RNFT2: variants seen among roughly 807,000 people sequenced by gnomAD.
RNFT2 encodes the protein E3 ubiquitin-protein ligase RNFT2.
A neutral mutation model predicts 53.0 loss-of-function variants in RNFT2; 36 were observed. That is an observed-to-expected ratio of 0.68 (90% CI 0.52 to 0.90). The LOEUF (loss-of-function observed/expected upper bound fraction) is 0.90, where lower values mean the gene tolerates loss of function less well. Ranked by LOEUF, RNFT2 falls within the 40% of genes least tolerant of loss-of-function variation. The pLI is 0.00. For synonymous variants in RNFT2, 260 were observed against 253.2 expected, an observed-to-expected ratio of 1.03 and a Z score of -0.26; for missense variants, 514 against 585.6, an observed-to-expected ratio of 0.88 and a Z score of 1.26.
At chr12:116,764,071 A>G (rs1223156810) in intron 5 of RNFT2, among the ~76,000 whole-genome samples, 1 of 152,194 alleles carries the variant, frequency 6.6e-6, no homozygotes, top group Non-Finnish European at 1.5e-5. Context: ...GGGATTGGAG[A>G]CTATTATTCT....
chr12:116,798,266 C>T (rs910034271), intron 7 of RNFT2, among the ~76,000 whole-genome samples: 4 of 152,068 alleles, frequency 2.6e-5, no homozygotes, highest in South Asian at 4.2e-4. Flanking sequence ...AATATATGTG[C>T]GTGTTCTTTT....
At chr12:116,775,182 C>T (rs1314627988) in intron 6 of RNFT2, among the ~76,000 whole-genome samples, 2 of 151,136 alleles carry the variant, frequency 1.3e-5, no homozygotes, top group East Asian at 1.9e-4. Flanking sequence ...ATCGCCTGAA[C>T]CGGGGAGGTA....
chr12:116,838,664 A>G (rs979855685), intron 10 of RNFT2, among the ~76,000 whole-genome samples: 4 of 152,202 alleles, frequency 2.6e-5, no homozygotes, highest in African/African-American at 9.7e-5. Flanking sequence ...ATCTTTTCAT[A>G]TGCTTCAGAG....
chr12:116,751,831 T>C (rs1872266024), intron 4 of RNFT2, among the ~76,000 whole-genome samples: 1 of 152,046 alleles, frequency 6.6e-6, no homozygotes, highest in Admixed American at 6.5e-5. Context: ...CGATCTCAGC[T>C]CACTGCAAAC....
chr12:116,804,551 A>T (rs1195343980), intron 7 of RNFT2, among the ~76,000 whole-genome samples: 1 of 152,190 alleles, frequency 6.6e-6, no homozygotes, highest in Non-Finnish European at 1.5e-5. Flanking sequence ...ACCATTATGT[A>T]TATTACAGTA....
At position 116,752,615 on chromosome 12, in the gene RNFT2, C is replaced by T. The variant is rs779000739; in HGVS notation, c.551-1369C>T. Among the ~76,000 whole-genome samples, 4 of 152,148 alleles carry T rather than the reference C, an allele frequency of 2.6e-5. 1 individual carries two copies. The highest frequency in any genetic ancestry group is 5.9e-5 in the Non-Finnish European group (4 of 68,036). ...AAGTGCGACCAGGTACGGTGGCTCA[C>T]GCCTGTAATCCTGGCACTTTGGGAA... On this transcript the variant is annotated intron_variant, in intron 4 of 10. Transcript: ENST00000257575.
At position 116,849,847 on chromosome 12, in the gene RNFT2, T is replaced by TC. The variant is rs1555211005; in HGVS notation, c.*399_*400insC. The TC allele has an allele frequency of 4.3e-5, 5 of 115,414 alleles. No homozygotes were observed. The highest frequency in any genetic ancestry group is 4.1e-5 in the Non-Finnish European group (4 of 97,080). 7.1% of individuals were successfully genotyped at this position (115,414 alleles called of 1,614,324 possible). On this transcript the variant is annotated 3_prime_UTR_variant, in exon 11 of 11. Transcript: ENST00000257575. ...CTCCCTCCTTCCTTCCTTCCTTCCT[T>TC]TTTTTTTTTTTTTTAAAACAAGGTC...
At position 116,852,962 on chromosome 12, in the gene RNFT2, T is replaced by C; in HGVS notation, c.*3514T>C. 1 of 565,952 alleles carries C rather than the reference T, an allele frequency of 1.8e-6. No homozygotes were observed. 35.1% of individuals were successfully genotyped at this position (565,952 alleles called of 1,614,324 possible). On this transcript the variant is annotated 3_prime_UTR_variant, in exon 11 of 11. Transcript: ENST00000257575. ...CACTGCAAAGAGTGAGCCATGCCTG[T>C]TAACACTGTAAAGAATGTAACATGT... is the stretch of plus-strand genomic sequence containing the variant.
Position 116,750,145 on chromosome 12 carries a change from G to C in RNFT2, c.388G>C (p.Val130Leu), listed in dbSNP as rs200741708. 1 of 1,585,480 alleles carries C rather than the reference G, an allele frequency of 6.3e-7. No homozygotes were observed. Among genetic ancestry groups the C allele is most frequent in the Non-Finnish European group, 8.5e-7 (1 of 1,172,136 alleles). Residue 130 changes from valine (V) to leucine (L), a missense_variant, in exon 4 of 11, where the codon GTG becomes CTG. By Grantham distance (32) the Val-to-Leu change is conservative. Around this residue, in one of 3 missense-constraint regions of RNFT2, gnomAD observed 237 missense variants for 235.1 expected, o/e 1.01. Coordinates refer to ENST00000257575, the MANE Select transcript of RNFT2 (RefSeq NM_001382266.1). ...CCGCGGGGGCTCCCTGCTGCAGCAC[G>C]TGGGTGGGGACCACCGGGGGCACTC... ...GHRGGSLLQH[V>L]GGDHRGHSEE...
intron 7 of RNFT2, among the ~76,000 whole-genome samples, chr12:116,798,521 A>G (rs1229683148): frequency 6.6e-6 from 1 of 152,154 alleles, no homozygotes; most frequent in African/African-American, 2.4e-5. Flanking sequence ...TCATTTTCTC[A>G]TCTGTAAAAT....
chr12:116,766,336 T>G (rs1030008120), intron 5 of RNFT2, among the ~76,000 whole-genome samples: 4 of 152,212 alleles, frequency 2.6e-5, no homozygotes, highest in Non-Finnish European at 5.9e-5. Flanking sequence ...ACACTGAGAC[T>G]TAAAACACAG....
At chr12:116,774,540 T>G (rs1272636932) in intron 6 of RNFT2, among the ~76,000 whole-genome samples, 1 of 152,146 alleles carries the variant, frequency 6.6e-6, no homozygotes, top group African/African-American at 2.4e-5. Context: ...GAGGGAAGAT[T>G]CTTTTGTGGA....
chr12:116,775,261 C>CAAAAA (rs5801198), intron 6 of RNFT2, among the ~76,000 whole-genome samples: 3 of 116,804 alleles, frequency 2.6e-5, no homozygotes, highest in African/African-American at 1.0e-4. Context: ...ACTCCCGTCT[C>CAAAAA]AAAAAAAAAA....
intron 5 of RNFT2, among the ~76,000 whole-genome samples, chr12:116,757,177 T>C (rs1872542063): frequency 6.6e-6 from 1 of 152,196 alleles, no homozygotes; most frequent in Admixed American, 6.5e-5. Flanking sequence ...AAATATCTCC[T>C]GTTTCGTTTC....
chr12:116,822,913 C>T (rs529835209), intron 7 of RNFT2, among the ~76,000 whole-genome samples: 1 of 152,342 alleles, frequency 6.6e-6, no homozygotes, highest in African/African-American at 2.4e-5. Context: ...ACGAGAATCA[C>T]TTGAACCCAG....
chr12:116,842,483 G>A (rs912155017), intron 10 of RNFT2, among the ~76,000 whole-genome samples: 11 of 152,150 alleles, frequency 7.2e-5, no homozygotes, highest in African/African-American at 2.7e-4. Flanking sequence ...CTGTCTGTTT[G>A]CTGTTATGAG....
chr12:116,815,717 AC>A (rs1220312356), intron 7 of RNFT2, among the ~76,000 whole-genome samples: 3 of 152,186 alleles, frequency 2.0e-5, no homozygotes, highest in Non-Finnish European at 2.9e-5. Context: ...CCTGTAAGGT[AC>A]CAAATTCATA....
intron 6 of RNFT2, among the ~76,000 whole-genome samples, chr12:116,771,419 C>T (rs1372490465): frequency 7.3e-6 from 1 of 136,064 alleles, no homozygotes; most frequent in Non-Finnish European, 1.5e-5. Flanking sequence ...ATAATCACAC[C>T]ACTGCACTCC....
intron 7 of RNFT2, among the ~76,000 whole-genome samples, chr12:116,832,169 A>ATATC (rs1555209717): frequency 7.0e-6 from 1 of 142,930 alleles, no homozygotes; most frequent in East Asian, 2.0e-4. Flanking sequence ...ATATATATAT[A>ATATC]TCTTTCTATC....
Sources: gnomAD v4.1 joint callset for allele counts (sites outside exome capture counted in the v4.1 genomes callset) on GRCh38, gnomAD v4.1.1 for gene constraint, gnomAD v4.1.1 regional missense constraint, MANE v1.5 for transcripts, NCBI Gene and HGNC (gene_info 2026-07-23, HGNC 2026-07-21) for gene names.